CSMD1: variants seen among roughly 807,000 people sequenced by gnomAD.
CSMD1 encodes the protein CUB and sushi domain-containing protein 1.
In CSMD1, 213 loss-of-function variants were observed where a neutral mutation model predicts 417.5. The ratio of observed to expected loss-of-function variants is 0.51; its 90% confidence interval spans 0.46 to 0.57. The LOEUF (loss-of-function observed/expected upper bound fraction) is 0.57. Among genes scored for constraint, CSMD1 ranks in the 20% least tolerant of loss-of-function variants. CSMD1 has a pLI of 0.00. For missense variants in CSMD1, 6,923 were observed against 4,529.7 expected, an observed-to-expected ratio of 1.53 and a Z score of -15.17; for synonymous variants, 2,862 against 1,736.8, an observed-to-expected ratio of 1.65 and a Z score of -16.11.
chr8:4,638,562 G>A (rs895322376), intron 1 of CSMD1, among the ~76,000 whole-genome samples: 7 of 152,212 alleles, frequency 4.6e-5, no homozygotes, highest in Admixed American at 1.3e-4. Flanking sequence ...GACTTAGGAG[G>A]TGGAGCAGAA....
chr8:3,281,028 G>A (rs10100864), intron 26 of CSMD1, among the ~76,000 whole-genome samples: 114,314 of 152,064 alleles, frequency 0.75, 43,348 homozygotes, highest in Admixed American at 0.84. Flanking sequence ...CTCTTCTTAG[G>A]TATCTAGTCA....
chr8:3,768,587 AAC>A (rs1275164673), intron 5 of CSMD1, among the ~76,000 whole-genome samples: 1 of 152,238 alleles, frequency 6.6e-6, no homozygotes, highest in Non-Finnish European at 1.5e-5. Flanking sequence ...CTTTAAGTTC[AAC>A]ACAGAGTGTA....
intron 49 of CSMD1, among the ~76,000 whole-genome samples, chr8:3,085,126 G>C (rs1478373739): frequency 6.6e-6 from 1 of 151,958 alleles, no homozygotes; most frequent in African/African-American, 2.4e-5. Context: ...TTTAACAATG[G>C]TCAGGCTCAC....
chr8:4,488,950 C>T (rs1303117586), intron 2 of CSMD1, among the ~76,000 whole-genome samples: 1 of 152,168 alleles, frequency 6.6e-6, no homozygotes, highest in Admixed American at 6.5e-5. Context: ...CTTGCTCTTT[C>T]ACCCAGGCTG....
intron 5 of CSMD1, among the ~76,000 whole-genome samples, chr8:3,869,545 G>C (rs147153223): frequency 4.5e-4 from 68 of 152,256 alleles, no homozygotes; most frequent in African/African-American, 1.6e-3. Flanking sequence ...CTTCCTGAGA[G>C]TGCCTGACTT....
intron 53 of CSMD1, among the ~76,000 whole-genome samples, chr8:2,999,365 G>T (rs1480917998): frequency 6.6e-6 from 1 of 151,920 alleles, no homozygotes; most frequent in African/African-American, 2.4e-5. Context: ...CATCGGCCAG[G>T]CTCGTCTTGA....
intron 3 of CSMD1, among the ~76,000 whole-genome samples, chr8:4,148,893 C>T (rs1031220458): frequency 1.3e-5 from 2 of 152,172 alleles, no homozygotes; most frequent in Non-Finnish European, 2.9e-5. Flanking sequence ...GCATTCCATT[C>T]CCAACATAGT....
At chr8:3,530,096 T>A (rs1471369063) in intron 10 of CSMD1, among the ~76,000 whole-genome samples, 1 of 152,194 alleles carries the variant, frequency 6.6e-6, no homozygotes, top group Admixed American at 6.5e-5. Flanking sequence ...ACTAAAGGTT[T>A]CAATTTTATT....
intron 3 of CSMD1, among the ~76,000 whole-genome samples, chr8:4,248,347 C>G (rs888865445): frequency 2.0e-5 from 3 of 152,162 alleles, no homozygotes; most frequent in African/African-American, 7.2e-5. Flanking sequence ...CAGCCAAACA[C>G]GCTTTTACCA....
intron 3 of CSMD1, among the ~76,000 whole-genome samples, chr8:4,396,303 TA>T (rs71534399): frequency 0.31 from 43,787 of 139,254 alleles, 7,317 homozygotes; most frequent in African/African-American, 0.49. Flanking sequence ...CTCTTAAAAG[TA>T]AAAAAAAAAA....
chr8:4,946,931 C>A (rs567920212), intron 1 of CSMD1, among the ~76,000 whole-genome samples: 1 of 152,102 alleles, frequency 6.6e-6, no homozygotes, highest in Non-Finnish European at 1.5e-5. Flanking sequence ...TATGTACATA[C>A]GTATTTTAAT....
intron 5 of CSMD1, among the ~76,000 whole-genome samples, chr8:3,831,322 G>A (rs767298134): frequency 2.0e-5 from 3 of 152,160 alleles, no homozygotes; most frequent in Non-Finnish European, 2.9e-5. Context: ...ATTTCGGACA[G>A]CTCCATCTGT....
intron 5 of CSMD1, among the ~76,000 whole-genome samples, chr8:3,766,009 G>A (rs779267196): frequency 6.6e-6 from 1 of 152,198 alleles, no homozygotes; most frequent in African/African-American, 2.4e-5. Flanking sequence ...ATTTGGGAGA[G>A]GATGTGACAA....
At chr8:3,101,055 GTTTT>G (rs3053035) in intron 46 of CSMD1, among the ~76,000 whole-genome samples, 1 of 140,426 alleles carries the variant, frequency 7.1e-6, no homozygotes, top group African/African-American at 2.6e-5. Flanking sequence ...TACGTATGGT[GTTTT>G]TTTTTTTTTT....
At chr8:4,388,932 G>C (rs943790629) in intron 3 of CSMD1, among the ~76,000 whole-genome samples, 5 of 152,070 alleles carry the variant, frequency 3.3e-5, no homozygotes, top group African/African-American at 1.2e-4. Context: ...CTAATGCTTT[G>C]AAAACCTGTT....
In CSMD1 at chr8:3,498,823, TCA is replaced by T. The variant is rs1796473418; in HGVS notation, c.1345-5099_1345-5098del. Reference sequence around the variant, plus strand: ...TTTTAAATTGTATTCATTTTATTATTCAGTTTCAAGACTTCTGCTTAGTTCTT... The same window carrying T: ...TTTTAAATTGTATTCATTTTATTATTGTTTCAAGACTTCTGCTTAGTTCTT... On this transcript the variant is annotated intron_variant, in intron 10 of 69. Coordinates refer to ENST00000635120, the MANE Select transcript of CSMD1 (RefSeq NM_033225.6). Among the ~76,000 whole-genome samples, 7 of 152,308 alleles carry T rather than the reference TCA, an allele frequency of 4.6e-5. No homozygotes were observed. The South Asian group carries it at 1.4e-3, about 32-fold the overall frequency.
intron 1 of CSMD1, among the ~76,000 whole-genome samples, chr8:4,721,842 C>G (rs192494673): frequency 6.6e-6 from 1 of 152,116 alleles, no homozygotes; most frequent in African/African-American, 2.4e-5. Flanking sequence ...CATGATTCAG[C>G]TTTACAAAAG....
intron 26 of CSMD1, among the ~76,000 whole-genome samples, chr8:3,253,648 T>C (rs1182666129): frequency 3.3e-5 from 5 of 152,296 alleles, no homozygotes; most frequent in Admixed American, 3.3e-4. Flanking sequence ...CTGCCATTAT[T>C]ATTGTGTGGG....
At chr8:3,057,626 C>A (rs10503187) in intron 49 of CSMD1, among the ~76,000 whole-genome samples, 2 of 152,088 alleles carry the variant, frequency 1.3e-5, no homozygotes, top group Non-Finnish European at 2.9e-5. Flanking sequence ...TAGATACAAA[C>A]GTTATTCGAC....
Sources: gnomAD v4.1 joint callset for allele counts (sites outside exome capture counted in the v4.1 genomes callset) on GRCh38, gnomAD v4.1.1 for gene constraint, MANE v1.5 for transcripts, NCBI Gene and HGNC (gene_info 2026-07-23, HGNC 2026-07-21) for gene names.